The following CFAP251 variants were observed in gnomAD, a reference collection of about 807,000 sequenced individuals.
The protein encoded by CFAP251 is cilia and flagella associated protein 251, also known as cilia- and flagella-associated protein 251.
A neutral mutation model predicts 126.7 loss-of-function variants in CFAP251; 93 were observed. The ratio of observed to expected loss-of-function variants is 0.73; its 90% CI spans 0.62 to 0.87. The LOEUF (loss-of-function observed/expected upper bound fraction) is 0.87, where lower values mean the gene tolerates loss of function less well. CFAP251 is among the 40% of genes least tolerant of loss of function. The probability of loss-of-function intolerance (pLI) is 0.00; values close to 1 mark genes in which losing one functional copy is unlikely to be tolerated. For synonymous variants in CFAP251, 503 were observed against 506.9 expected (o/e 0.99, Z 0.10); for missense variants, 1,287 against 1,389.2 (o/e 0.93, Z 1.17).
At position 121,942,515 on chromosome 12, in the gene CFAP251, C is replaced by G. The variant is rs377664219; in HGVS notation, c.999-19C>G. 6 of 1,595,580 alleles carry G rather than the reference C, an allele frequency of 3.8e-6. No individual in the cohort carries two copies. Among genetic ancestry groups the G allele is most frequent in the South Asian group, 1.1e-5 (1 of 90,090 alleles). ...AGGGAGACCTCAGCAAGTGTCGCCC[C>G]CCTTGTCCTGTTTTGCAGTATTCCT... On this transcript the variant is annotated intron_variant, in intron 5 of 21. Transcript: ENST00000288912.
At chr12:121,972,311 A>G (rs190933535) in intron 17 of CFAP251, among the ~76,000 whole-genome samples, 2 of 152,338 alleles carry the variant, frequency 1.3e-5, no homozygotes, top group Non-Finnish European at 2.9e-5. Flanking sequence ...TGATAGTGAT[A>G]TGGACAATAA....
In CFAP251 at chr12:121,999,904, C is replaced by T; in HGVS notation, c.3195C>T (p.Ala1065=). Reference sequence around the variant, plus strand: ...ATACCAACTCCAAAGGGAAAAAGGCCATTCGAAGAGAGGACTTCCTGAGAC... The same window carrying T: ...ATACCAACTCCAAAGGGAAAAAGGCTATTCGAAGAGAGGACTTCCTGAGAC... ...LGYTNSKGKK[A]IRREDFLRLL... is the part of the protein sequence containing the mutation. Residue 1065 remains alanine, a synonymous_variant, in exon 20 of 22, where the codon GCC becomes GCT. Transcript: ENST00000288912. The T allele has an allele frequency of 1.2e-6, 2 of 1,613,990 alleles. No individual in the cohort carries two copies. Among genetic ancestry groups the T allele is most frequent in the Non-Finnish European group, 1.7e-6 (2 of 1,179,866 alleles).
intron 5 of CFAP251, among the ~76,000 whole-genome samples, chr12:121,942,270 G>A (rs768775581): frequency 6.6e-5 from 10 of 151,962 alleles, no homozygotes; most frequent in Non-Finnish European, 1.2e-4. Flanking sequence ...TGCCTATTCC[G>A]GCCGTTTCAT....
chr12:121,981,890 A>G (rs1022070566), intron 19 of CFAP251, among the ~76,000 whole-genome samples: 34 of 129,312 alleles, frequency 2.6e-4, no homozygotes, highest in African/African-American at 7.9e-4. Context: ...TTCCTCATCT[A>G]CAAAATAAAC....
At chr12:122,000,806 C>T (rs1177472719) in intron 20 of CFAP251, among the ~76,000 whole-genome samples, 3 of 152,014 alleles carry the variant, frequency 2.0e-5, no homozygotes, top group Admixed American at 6.6e-5. Context: ...TCTATGCCAG[C>T]CCCATGTATG....
At chr12:121,943,867 C>G (rs1367185371) in intron 7 of CFAP251, among the ~76,000 whole-genome samples, 2 of 151,936 alleles carry the variant, frequency 1.3e-5, no homozygotes, top group East Asian at 3.8e-4. Context: ...AACATGCTAG[C>G]AAAAAAGATA....
At position 121,974,804 on chromosome 12, in the gene CFAP251, T is replaced by C. The variant is rs1882415696; in HGVS notation, c.2772-440T>C. Among the ~76,000 whole-genome samples, 1 of 152,228 alleles carries C rather than the reference T, an allele frequency of 6.6e-6. No individual in the cohort carries two copies. Among genetic ancestry groups the C allele is most frequent in the Admixed American group, 6.5e-5 (1 of 15,282 alleles). On this transcript the variant is annotated intron_variant, in intron 17 of 21. Coordinates refer to ENST00000288912, the MANE Select transcript of CFAP251 (RefSeq NM_144668.6). The surrounding 1 kb of genome is among the most constrained non-coding windows in gnomAD (Gnocchi z 4.6). ...GTCCCTGTGGTCTCCTGAGTTTTTATGGAAGCAATTAGTGTTGGCAGTTCA... is the reference window on the plus strand; with the variant it reads ...GTCCCTGTGGTCTCCTGAGTTTTTACGGAAGCAATTAGTGTTGGCAGTTCA...
intron 2 of CFAP251, among the ~76,000 whole-genome samples, chr12:121,922,686 G>A (rs577924499): frequency 1.0e-3 from 155 of 150,016 alleles, no homozygotes; most frequent in African/African-American, 2.8e-3. Flanking sequence ...TGGAGACCAC[G>A]AGTGCCACTT....
intron 19 of CFAP251, among the ~76,000 whole-genome samples, chr12:121,991,815 GAA>G: frequency 6.6e-6 from 1 of 152,148 alleles, no homozygotes; most frequent in Non-Finnish European, 1.5e-5. Context: ...CCAACAGTAG[GAA>G]CCCTGTTGCT....
At chr12:122,003,593 AAAAG>A in intron 21 of CFAP251, 55 bp from the exon 22 acceptor site, 1 of 1,454,518 alleles carries the variant, frequency 6.9e-7, no homozygotes, top group Non-Finnish European at 9.5e-7. Context: ...CCTCACCCAA[AAAAG>A]AAAGAAACAT....
Position 121,958,995 on chromosome 12 carries a change from A to G in CFAP251, c.2034A>G (p.Ala678=). ...FTEGTVYILD[A]MSLENESPEP... ...AGGGGACAGTTTACATTCTTGATGC[A>G]ATGTCTTTAGAAAATGAAAGCCCAG... The change falls in exon 13 of 22, where the codon GCA becomes GCG. Residue 678 remains alanine (A), a synonymous_variant. Coordinates refer to ENST00000288912, the MANE Select transcript of CFAP251 (RefSeq NM_144668.6). 1.2e-6 allele frequency: 2 copies of G among 1,612,010 alleles called. No individual in the cohort carries two copies. Among genetic ancestry groups the G allele is most frequent in the African/African-American group, 1.3e-5 (1 of 74,870 alleles).
At chr12:121,939,478 C>G (rs1360260768) in intron 5 of CFAP251, among the ~76,000 whole-genome samples, 1 of 152,124 alleles carries the variant, frequency 6.6e-6, no homozygotes, top group Non-Finnish European at 1.5e-5. Context: ...ATCTCTGAAG[C>G]CTTTGCTGAC....
At chr12:121,920,312 C>G (rs1157635759) in intron 1 of CFAP251, among the ~76,000 whole-genome samples, 5 of 148,886 alleles carry the variant, frequency 3.4e-5, no homozygotes, top group Non-Finnish European at 6.0e-5. Flanking sequence ...GCTGCAACCT[C>G]CGCCTCCCAG....
intron 18 of CFAP251, 83 bp downstream of exon 18, chr12:121,975,417 A>G: frequency 6.4e-7 from 1 of 1,565,806 alleles, no homozygotes; most frequent in Non-Finnish European, 8.8e-7. Flanking sequence ...ACCTTGCTTT[A>G]TTCCAAAGCT....
At position 121,962,064 on chromosome 12, in the gene CFAP251, C is replaced by T. The variant is rs1346376084; in HGVS notation, c.2394C>T (p.Cys798=). The change falls in exon 15 of 22, where the codon TGC becomes TGT. Residue 798 remains cysteine (C), a synonymous_variant. Coordinates refer to ENST00000288912, the MANE Select transcript of CFAP251 (RefSeq NM_144668.6). ...HHTDQGCYPT[C]MVWYPPLTRE... ...CCGACCAGGGCTGCTATCCCACCTGCATGGTCTGGTACCCACCACTCACCA... is the reference window on the plus strand; with the variant it reads ...CCGACCAGGGCTGCTATCCCACCTGTATGGTCTGGTACCCACCACTCACCA... The T allele has an allele frequency of 6.2e-7, 1 of 1,613,904 alleles. No individual in the cohort carries two copies. Among genetic ancestry groups the T allele is most frequent in the East Asian group, 2.2e-5 (1 of 44,904 alleles).
rs1300493102 is a variant in CFAP251 at position 121,934,323 on chromosome 12, A to G, written c.965A>G (p.Asp322Gly). The change falls in exon 5 of 22, where the codon GAC becomes GGC. Residue 322 changes from aspartate to glycine, a missense_variant. Asp to Gly is a moderately conservative substitution (Grantham distance 94). Coordinates refer to ENST00000288912, the MANE Select transcript of CFAP251 (RefSeq NM_144668.6). ...ATCGCCACAGCAGACAAAGGGCCAG[A>G]CTGCCTGGTGATTATATGGGACTCC... ...RWIATADKGP[D>G]CLVIIWDSFT... 1 of 1,614,058 alleles carries G rather than the reference A, an allele frequency of 6.2e-7. No homozygotes were observed. Among genetic ancestry groups the G allele is most frequent in the South Asian group, 1.1e-5 (1 of 91,058 alleles).
intron 19 of CFAP251, among the ~76,000 whole-genome samples, chr12:121,983,854 C>T (rs963605923): frequency 4.6e-5 from 7 of 152,124 alleles, no homozygotes; most frequent in Admixed American, 2.6e-4. Flanking sequence ...GAAGCTACAC[C>T]GGGAGAAGTT....
At chr12:121,990,327 T>C (rs1882847848) in intron 19 of CFAP251, among the ~76,000 whole-genome samples, 1 of 152,120 alleles carries the variant, frequency 6.6e-6, no homozygotes, top group East Asian at 1.9e-4. Flanking sequence ...CCTTCAGGCC[T>C]ATGGGTGGGC....
Position 121,954,108 on chromosome 12 carries a change from CT to C in CFAP251, c.1321-8del. 1 of 1,610,554 alleles carries C rather than the reference CT, an allele frequency of 6.2e-7. No homozygotes were observed. Among genetic ancestry groups the C allele is most frequent in the Non-Finnish European group, 8.5e-7 (1 of 1,177,338 alleles). ...ATTACCAACAGTAACTATAACCTTT[CT>C]TTTGAAACAGACCTTCAACAAGCTT... On this transcript the variant is annotated splice_polypyrimidine_tract_variant and intron_variant, in intron 9 of 21. Transcript: ENST00000288912.
Sources: gnomAD v4.1 joint callset for allele counts (sites outside exome capture counted in the v4.1 genomes callset) on GRCh38, gnomAD v4.1.1 for gene constraint, Gnocchi (gnomAD v3.1) non-coding constraint, MANE v1.5 for transcripts, NCBI Gene and HGNC (gene_info 2026-07-23, HGNC 2026-07-21) for gene names.